The following MYO1C variants were observed in gnomAD, a reference collection of about 807,000 sequenced individuals.
The protein encoded by MYO1C is unconventional myosin-Ic.
In MYO1C, 104 loss-of-function variants were observed where a neutral mutation model predicts 150.8. That is an observed-to-expected ratio of 0.69 (90% CI 0.59 to 0.81). The LOEUF is 0.81. Ranked by LOEUF, MYO1C falls within the 30% of genes least tolerant of loss-of-function variation. The pLI is 0.00. For synonymous variants in MYO1C, 663 were observed against 579.9 expected (o/e 1.14, Z -2.06); for missense variants, 1,504 against 1,435.0 (o/e 1.05, Z -0.78).
chr17:1,480,429 C>T, intron 7 of MYO1C, 98 bp downstream of exon 7: 2 of 1,098,430 alleles, frequency 1.8e-6, no homozygotes, highest in Middle Eastern at 2.6e-4. Flanking sequence ...GCCTGGGCAA[C>T]AAGAATGAAA....
At chr17:1,477,737 C>A in intron 13 of MYO1C, 141 bp from the exon 14 acceptor site, 1 of 988,302 alleles carries the variant, frequency 1.0e-6, no homozygotes, top group South Asian at 1.3e-5. Context: ...CCAACTGGGG[C>A]GGCACCTCCC....
intron 31 of MYO1C, 134 bp from the exon 32 acceptor site, chr17:1,465,886 T>TG (rs1227034426): frequency 1.6e-6 from 1 of 606,468 alleles, no homozygotes; most frequent in Non-Finnish European, 2.4e-6. Flanking sequence ...AGGCTGGTCT[T>TG]GGACTCCTGG....
At chr17:1,480,182 C>T (rs1001768114) in intron 7 of MYO1C, among the ~76,000 whole-genome samples, 1 of 137,024 alleles carries the variant, frequency 7.3e-6, no homozygotes, top group Non-Finnish European at 1.6e-5. Context: ...ATTACTGGCC[C>T]ACGCCTGTAA....
At position 1,492,481 on chromosome 17, in the gene MYO1C, G is replaced by A. The variant is rs1453135851; in HGVS notation, c.7C>T (p.Leu3=). Reference sequence around the variant, plus strand: ...CCGGTGGGTACCAGCTCCACTTGCAGCGCCATTCCGCCCTGCGGAGAGCCA... The same window carrying A: ...CCGGTGGGTACCAGCTCCACTTGCAACGCCATTCCGCCCTGCGGAGAGCCA... The part of the protein sequence containing the change: MA[L]QVELVPTGEI... Residue 3 remains leucine, a synonymous_variant, in exon 1 of 32, where the codon CTG becomes TTG. Transcript: ENST00000648651. 5 of 1,602,102 alleles carry A rather than the reference G, an allele frequency of 3.1e-6. No individual in the cohort carries two copies. In the Admixed American group the frequency reaches 5.1e-5, roughly 16 times the overall value.
chr17:1,483,034 G>C lies in MYO1C; in HGVS notation c.373C>G (p.Arg125Gly). ...TCCCGACGCTCCGTGCGCAGTGCTC[G>C]GTACACAGTGTCCGCCACGGCAAAC... is the stretch of plus-strand genomic sequence containing the variant. ...HLFAVADTVY[R>G]ALRTERRDQA... is the part of the protein sequence containing the mutation. The change falls in exon 4 of 32, where the codon CGA becomes GGA. Residue 125 changes from arginine to glycine, a missense_variant. Physicochemically the swap from Arg to Gly is moderately radical, Grantham distance 125. Coordinates refer to ENST00000648651, the MANE Select transcript of MYO1C (RefSeq NM_001080779.2). 6.2e-7 allele frequency: 1 copy of C among 1,610,464 alleles called. No homozygotes were observed. The highest frequency in any genetic ancestry group is 1.3e-5 in the African/African-American group (1 of 74,966).
At position 1,482,501 on chromosome 17, in the gene MYO1C, T is replaced by C. The variant is rs770537383; in HGVS notation, c.604A>G (p.Met202Val). 3 of 1,614,036 alleles carry C rather than the reference T, an allele frequency of 1.9e-6. No individual in the cohort carries two copies. Among genetic ancestry groups the C allele is most frequent in the South Asian group, 1.1e-5 (1 of 91,086 alleles). The change falls in exon 5 of 32, where the codon ATG becomes GTG. Residue 202 changes from methionine to valine, a missense_variant. Coordinates refer to ENST00000648651, the MANE Select transcript of MYO1C (RefSeq NM_001080779.2). ...NDNSSRFGKY[M>V]DVQFDFKGAP... ...ACCTTGAAGTCAAACTGCACATCCA[T>C]GTACTTCCCGAACCTGCTGGAGTTA... is the stretch of plus-strand genomic sequence containing the variant.
chr17:1,465,546 G>C lies in MYO1C; in HGVS notation c.*180C>G. The stretch of plus-strand genomic sequence containing the variant: ...TGTGGCCCGGCCTGGCCCACTCCTG[G>C]GGTAGCTCCTGGCCCCTGCTGCTCC... On this transcript the variant is annotated 3_prime_UTR_variant, in exon 32 of 32. Transcript: ENST00000648651. The C allele has an allele frequency of 1.6e-6, 1 of 624,474 alleles. No individual in the cohort carries two copies. Among genetic ancestry groups the C allele is most frequent in the Non-Finnish European group, 2.4e-6 (1 of 410,978 alleles). The allele number at this position is 624,474 out of a possible 1,614,324, so 38.7% of individuals were successfully genotyped here.
intron 4 of MYO1C, 24 bp from the exon 5 acceptor site, chr17:1,482,582 G>C (rs1329242242): frequency 6.2e-7 from 1 of 1,601,620 alleles, no homozygotes; most frequent in African/African-American, 1.3e-5. Flanking sequence ...GGGGTATGAG[G>C]GACACCTGGC....
At chr17:1,488,313 G>A (rs918777843) in intron 1 of MYO1C, among the ~76,000 whole-genome samples, 2 of 152,164 alleles carry the variant, frequency 1.3e-5, no homozygotes, top group Admixed American at 6.5e-5. Context: ...GGGCGTCTCC[G>A]CCGCTCGCGG....
rs978827247 is a variant in MYO1C at position 1,470,670 on chromosome 17, G to A, written c.2232C>T (p.Ala744=). 4.4e-6 allele frequency: 7 copies of A among 1,608,052 alleles called. No individual in the cohort carries two copies. The highest frequency in any genetic ancestry group is 5.9e-6 in the Non-Finnish European group (7 of 1,179,698). Residue 744 remains alanine (A), a synonymous_variant, in exon 22 of 32, where the codon GCC becomes GCT. Transcript: ENST00000648651. The part of the protein sequence containing the change: ...RQSLATKIQA[A]WRGFHWRQKF... ...TCTGCCGCCAGTGAAAGCCCCTCCAGGCAGCTTGGATCTTTGTGGCTGCGG... is the reference window on the plus strand; with the variant it reads ...TCTGCCGCCAGTGAAAGCCCCTCCAAGCAGCTTGGATCTTTGTGGCTGCGG...
At chr17:1,480,308 C>T (rs1567528639) in intron 7 of MYO1C, among the ~76,000 whole-genome samples, 3 of 150,186 alleles carry the variant, frequency 2.0e-5, no homozygotes, top group Admixed American at 6.6e-5. Flanking sequence ...ATTAGCTGGG[C>T]GTGGTGGCGG....
At position 1,478,376 on chromosome 17, in the gene MYO1C, C is replaced by G. The variant is rs756201693; in HGVS notation, c.1295+34G>C. ...AGAAGAGAGGGAGCAGGACAGGAGA[C>G]CGGGAGGAGAGACGGGGGAAAGATG... is the stretch of plus-strand genomic sequence containing the variant. On this transcript the variant is annotated intron_variant, in intron 11 of 31. Coordinates refer to ENST00000648651, the MANE Select transcript of MYO1C (RefSeq NM_001080779.2). This position sits in a 1 kb window ranked among gnomAD's most constrained non-coding sequence, Gnocchi z 6.3. 4 of 1,612,614 alleles carry G rather than the reference C, an allele frequency of 2.5e-6. No individual in the cohort carries two copies. The highest frequency in any genetic ancestry group is 3.4e-6 in the Non-Finnish European group (4 of 1,178,678).
At chr17:1,485,304 G>A (rs1422693398) in intron 1 of MYO1C, 3 of 1,113,272 alleles carry the variant, frequency 2.7e-6, no homozygotes, top group East Asian at 1.8e-4. Context: ...GTGATTGGGG[G>A]TGGATCCCAA....
intron 2 of MYO1C, 74 bp downstream of exon 2, chr17:1,484,074 T>TG (rs986594452): frequency 6.4e-7 from 1 of 1,563,810 alleles, no homozygotes; most frequent in African/African-American, 1.4e-5. Flanking sequence ...CGGTGACCCT[T>TG]GGTGTCTCTT....
intron 25 of MYO1C, 84 bp from the exon 26 acceptor site, chr17:1,468,580 A>G (rs2074231927): frequency 1.5e-5 from 17 of 1,115,564 alleles, no homozygotes; most frequent in African/African-American, 3.1e-5. Flanking sequence ...GACCTGAGAC[A>G]GCCTCCCTCA....
intron 19 of MYO1C, 78 bp downstream of exon 19, chr17:1,471,829 C>A (rs946280630): frequency 2.7e-6 from 4 of 1,465,934 alleles, no homozygotes; most frequent in Non-Finnish European, 3.8e-6. Context: ...GCCGAGAACC[C>A]TTGTCTGCCC....
At position 1,470,316 on chromosome 17, in the gene MYO1C, G is replaced by A. The variant is rs199710927; in HGVS notation, c.2385C>T (p.Val795=). The A allele has an allele frequency of 1.1e-3, 1,635 of 1,540,202 alleles. 3 individuals are homozygous for A. The highest frequency in any genetic ancestry group is 1.3e-3 in the Non-Finnish European group (1,520 of 1,138,340). ...QTIRRLIRGF[V]LRHAPRCPEN... Reference sequence around the variant, plus strand: ...CGGGGCAGCGGGGGGCGTGGCGCAGGACGAAGCCTCGGATGAGCCTGGGGT... The same window carrying A: ...CGGGGCAGCGGGGGGCGTGGCGCAGAACGAAGCCTCGGATGAGCCTGGGGT... The change falls in exon 24 of 32, where the codon GTC becomes GTT. Residue 795 remains valine, a synonymous_variant. Transcript: ENST00000648651.
At chr17:1,481,473 A>C (rs12451484) in intron 5 of MYO1C, among the ~76,000 whole-genome samples, 1 of 152,020 alleles carries the variant, frequency 6.6e-6, no homozygotes, top group Non-Finnish European at 1.5e-5. Context: ...GTCTACTCCC[A>C]ATCTCCCAGT....
In MYO1C at chr17:1,478,470, C is replaced by T. The variant is rs541419813; in HGVS notation, c.1235G>A (p.Arg412Gln). The T allele has an allele frequency of 2.1e-5, 34 of 1,614,166 alleles. No homozygotes were observed. Among genetic ancestry groups the T allele is most frequent in the South Asian group, 1.4e-4 (13 of 91,080 alleles). Residue 412 changes from arginine to glutamine, a missense_variant, in exon 11 of 32, where the codon CGG becomes CAG. Transcript: ENST00000648651. This position sits in a 1 kb window ranked among gnomAD's most constrained non-coding sequence, Gnocchi z 6.3. The part of the protein sequence containing the change: ...ASKDVESPSW[R>Q]STTVLGLLDI... Reference sequence around the variant, plus strand: ...CAGGAGCCCGAGAACCGTGGTGCTCCGCCAGCTGGGGCTCTCCACGTCCTA... The same window carrying T: ...CAGGAGCCCGAGAACCGTGGTGCTCTGCCAGCTGGGGCTCTCCACGTCCTA...
Sources: allele counts gnomAD v4.1 joint callset (sites outside exome capture counted in the v4.1 genomes callset), GRCh38; gene constraint gnomAD v4.1.1; non-coding constraint Gnocchi (gnomAD v3.1); transcripts MANE v1.5; gene names NCBI Gene and HGNC (gene_info 2026-07-23, HGNC 2026-07-21).